HCN1: variants seen among roughly 807,000 people sequenced by gnomAD.
HCN1 encodes the protein potassium/sodium hyperpolarization-activated cyclic nucleotide-gated channel 1.
A neutral mutation model predicts 78.9 loss-of-function variants in HCN1; 13 were observed. The ratio of observed to expected loss-of-function variants is 0.16; its 90% CI spans 0.11 to 0.26. HCN1 has a LOEUF of 0.26. HCN1 is among the 10% of genes least tolerant of loss of function. HCN1 has a pLI of 1.00. For missense variants in HCN1, 810 were observed against 1,154.3 expected, an observed-to-expected ratio of 0.70 and a Z score of 4.32; for synonymous variants, 552 against 455.5, an observed-to-expected ratio of 1.21 and a Z score of -2.70.
chr5:45,526,151 G>A (rs1485438138), intron 2 of HCN1, among the ~76,000 whole-genome samples: 5 of 151,968 alleles, frequency 3.3e-5, no homozygotes, highest in Admixed American at 6.6e-5. Flanking sequence ...TTGTTAGAGC[G>A]GCCCAGATTG....
chr5:45,401,658 T>C (rs1739806840), intron 3 of HCN1, among the ~76,000 whole-genome samples: 2 of 97,438 alleles, frequency 2.1e-5, no homozygotes, highest in South Asian at 3.1e-4. Context: ...TAGAGAAAGG[T>C]TTTTTTTTTT....
intron 6 of HCN1, among the ~76,000 whole-genome samples, chr5:45,302,752 G>C (rs1318090602): frequency 6.6e-6 from 1 of 151,934 alleles, no homozygotes; most frequent in African/African-American, 2.4e-5. Context: ...CCAGGGGGAG[G>C]TAATTGAATC....
At chr5:45,383,862 C>CAAAA (rs1747863822) in intron 4 of HCN1, among the ~76,000 whole-genome samples, 4 of 152,028 alleles carry the variant, frequency 2.6e-5, no homozygotes, top group African/African-American at 9.7e-5. Context: ...ATCACAGATT[C>CAAAA]TCTTGCCTTG....
At chr5:45,439,081 G>T (rs1194273092) in intron 3 of HCN1, among the ~76,000 whole-genome samples, 1 of 151,976 alleles carries the variant, frequency 6.6e-6, no homozygotes, top group Admixed American at 6.6e-5. Flanking sequence ...TATTCCAAGG[G>T]ATGATCTGTA....
chr5:45,464,580 GT>G (rs1741230909), intron 2 of HCN1, among the ~76,000 whole-genome samples: 1 of 152,104 alleles, frequency 6.6e-6, no homozygotes, highest in Admixed American at 6.5e-5. Flanking sequence ...TTTTACACTG[GT>G]TAATAGCAGA....
chr5:45,586,512 G>C (rs1331711457), intron 2 of HCN1, among the ~76,000 whole-genome samples: 1 of 152,084 alleles, frequency 6.6e-6, no homozygotes, highest in Non-Finnish European at 1.5e-5. Context: ...GTCACACTCG[G>C]TGCACTGCAC....
intron 4 of HCN1, among the ~76,000 whole-genome samples, chr5:45,379,841 GA>G (rs1299262143): frequency 6.6e-6 from 1 of 152,012 alleles, no homozygotes; most frequent in Admixed American, 6.6e-5. Context: ...GAATGATGGG[GA>G]GTGACTCTTT....
chr5:45,630,086 C>T (rs1200383291), intron 2 of HCN1, among the ~76,000 whole-genome samples: 2 of 152,124 alleles, frequency 1.3e-5, no homozygotes, highest in Non-Finnish European at 2.9e-5. Context: ...TTCTAAGCAC[C>T]TTGTGAGCTT....
intron 2 of HCN1, among the ~76,000 whole-genome samples, chr5:45,633,340 A>C (rs1256761495): frequency 2.0e-5 from 3 of 151,936 alleles, no homozygotes; most frequent in African/African-American, 7.2e-5. Flanking sequence ...ACCTTTTAGT[A>C]AAGCATGGTA....
chr5:45,499,611 C>T (rs898582870), intron 2 of HCN1, among the ~76,000 whole-genome samples: 2 of 152,118 alleles, frequency 1.3e-5, no homozygotes, highest in African/African-American at 4.8e-5. Flanking sequence ...CTTGGCTCCT[C>T]CCCCTGTGTT....
intron 2 of HCN1, among the ~76,000 whole-genome samples, chr5:45,496,180 C>G (rs951423589): frequency 6.6e-6 from 1 of 152,078 alleles, no homozygotes; most frequent in African/African-American, 2.4e-5. Flanking sequence ...GGAATGGTAC[C>G]AGTTCCTCCT....
At chr5:45,537,738 C>A (rs1676891852) in intron 2 of HCN1, among the ~76,000 whole-genome samples, 1 of 151,480 alleles carries the variant, frequency 6.6e-6, no homozygotes, top group Admixed American at 6.6e-5. Flanking sequence ...CACTCTGTTA[C>A]CTTCCTATCT....
chr5:45,485,677 A>T (rs183554865), intron 2 of HCN1, among the ~76,000 whole-genome samples: 56 of 152,288 alleles, frequency 3.7e-4, no homozygotes, highest in African/African-American at 1.3e-3. Flanking sequence ...ACAACTCAGG[A>T]TTAGAAAAGA....
intron 3 of HCN1, among the ~76,000 whole-genome samples, chr5:45,399,499 T>A (rs899820676): frequency 6.6e-6 from 1 of 152,222 alleles, no homozygotes; most frequent in Non-Finnish European, 1.5e-5. Flanking sequence ...TCTGTGCAAC[T>A]TCAAGGTCAC....
intron 2 of HCN1, among the ~76,000 whole-genome samples, chr5:45,630,110 T>C (rs1034406992): frequency 6.6e-6 from 1 of 152,170 alleles, no homozygotes; most frequent in Admixed American, 6.6e-5. Context: ...AGGGAGATCA[T>C]ATGGTAGCAC....
At chr5:45,658,811 G>A (rs1331037585) in intron 1 of HCN1, among the ~76,000 whole-genome samples, 1 of 151,738 alleles carries the variant, frequency 6.6e-6, no homozygotes, top group Non-Finnish European at 1.5e-5. Context: ...CTACGCCCAC[G>A]GAATCTCGCT....
At chr5:45,322,834 C>G (rs1365232139) in intron 5 of HCN1, among the ~76,000 whole-genome samples, 1 of 151,738 alleles carries the variant, frequency 6.6e-6, no homozygotes, top group East Asian at 1.9e-4. Flanking sequence ...CCAAATGAGT[C>G]TCAAAATGGT....
Position 45,523,749 on chromosome 5 carries a change from C to G in HCN1, c.850-61742G>C, listed in dbSNP as rs374535733. On this transcript the variant is annotated intron_variant, in intron 2 of 7. Coordinates refer to ENST00000303230, the MANE Select transcript of HCN1 (RefSeq NM_021072.4). ...AAATTTCTTTGAGTTCATTGTAGAT[C>G]CTGGATATTAGCCCTTTGTCAGATG... Among the ~76,000 whole-genome samples the G allele has an allele frequency of 2.0e-5, 3 of 152,020 alleles. No homozygotes were observed. In the East Asian group the frequency reaches 5.8e-4, roughly 29 times the overall value.
chr5:45,312,496 C>T (rs1745871022), intron 5 of HCN1, among the ~76,000 whole-genome samples: 1 of 152,168 alleles, frequency 6.6e-6, no homozygotes. Flanking sequence ...GTTCATCTCA[C>T]TAGCACTTGT....
Sources: allele counts gnomAD v4.1 joint callset (sites outside exome capture counted in the v4.1 genomes callset), GRCh38; gene constraint gnomAD v4.1.1; transcripts MANE v1.5; gene names NCBI Gene and HGNC (gene_info 2026-07-23, HGNC 2026-07-21).